MIR2052HG: variants seen among roughly 807,000 people sequenced by gnomAD.
The protein encoded by MIR2052HG is MIR2052 host gene.
intron 2 of MIR2052HG, among the ~76,000 whole-genome samples, chr8:74,615,612 C>CG (rs1808268908): frequency 6.8e-6 from 1 of 147,056 alleles, no homozygotes; most frequent in African/African-American, 2.5e-5. Flanking sequence ...TTCTCATCTT[C>CG]TTTTTTTTTT....
At chr8:74,646,033 C>G (rs1055210862) in intron 2 of MIR2052HG, among the ~76,000 whole-genome samples, 7 of 152,172 alleles carry the variant, frequency 4.6e-5, no homozygotes, top group African/African-American at 1.4e-4. Context: ...ATTTGCAAAG[C>G]TTTGTGCTAA....
chr8:74,671,089 A>G (rs1808987215), intron 2 of MIR2052HG, among the ~76,000 whole-genome samples: 1 of 149,906 alleles, frequency 6.7e-6, no homozygotes, highest in Non-Finnish European at 1.5e-5. Context: ...AGGTGTGTGT[A>G]ATAGTTACAT....
At chr8:74,644,742 T>G (rs907969054) in intron 2 of MIR2052HG, among the ~76,000 whole-genome samples, 2 of 151,786 alleles carry the variant, frequency 1.3e-5, no homozygotes, top group African/African-American at 4.8e-5. Flanking sequence ...AATAAATAAA[T>G]TAGCCGGGCA....
intron 4 of MIR2052HG, among the ~76,000 whole-genome samples, chr8:74,717,856 A>G (rs1335535791): frequency 2.0e-5 from 3 of 152,098 alleles, no homozygotes; most frequent in Non-Finnish European, 2.9e-5. Context: ...ATTTTATTTA[A>G]GGTGATTATT....
chr8:74,673,866 C>A (rs1175438621), intron 2 of MIR2052HG, among the ~76,000 whole-genome samples: 1 of 127,854 alleles, frequency 7.8e-6, no homozygotes, highest in Admixed American at 7.6e-5. Context: ...TTAACTGTCA[C>A]AATCAACACA....
intron 2 of MIR2052HG, among the ~76,000 whole-genome samples, chr8:74,677,409 A>T (rs992708900): frequency 6.6e-6 from 1 of 152,122 alleles, no homozygotes; most frequent in Non-Finnish European, 1.5e-5. Context: ...TATCTAAAAA[A>T]ATTAATTATG....
intron 2 of MIR2052HG, among the ~76,000 whole-genome samples, chr8:74,669,590 C>T (rs1328423572): frequency 6.6e-6 from 1 of 152,116 alleles, no homozygotes; most frequent in Non-Finnish European, 1.5e-5. Context: ...TATGATGAAC[C>T]TCTACTTACG....
chr8:74,656,150 G>C (rs1388724801), intron 2 of MIR2052HG, among the ~76,000 whole-genome samples: 4 of 152,128 alleles, frequency 2.6e-5, no homozygotes, highest in African/African-American at 9.7e-5. Flanking sequence ...GCTTGCTTTT[G>C]ATTTTACAGG....
chr8:74,727,929 T>G (rs191910178), intron 4 of MIR2052HG, among the ~76,000 whole-genome samples: 3 of 150,786 alleles, frequency 2.0e-5, no homozygotes, highest in African/African-American at 7.5e-5. Flanking sequence ...GAGTTCATTG[T>G]GCATGTAGGA....
intron 2 of MIR2052HG, among the ~76,000 whole-genome samples, chr8:74,669,066 G>C (rs1808962731): frequency 6.6e-6 from 1 of 152,056 alleles, no homozygotes; most frequent in Admixed American, 6.6e-5. Context: ...TTATTTCCTT[G>C]AACTTGAGTT....
At chr8:74,756,636 G>A (rs1269239269) in intron 5 of MIR2052HG, 16 of 152,160 alleles carry the variant, frequency 1.1e-4, no homozygotes, top group Admixed American at 1.0e-3. Flanking sequence ...GCAGAACAAA[G>A]ATTAGATCCC....
intron 5 of MIR2052HG, among the ~76,000 whole-genome samples, chr8:74,753,249 C>A (rs966882914): frequency 2.0e-5 from 3 of 152,192 alleles, no homozygotes; most frequent in African/African-American, 7.2e-5. Context: ...CCAATCCAAA[C>A]AACTTTGCCT....
intron 2 of MIR2052HG, among the ~76,000 whole-genome samples, chr8:74,684,481 A>G (rs975374738): frequency 1.3e-5 from 2 of 152,082 alleles, no homozygotes; most frequent in African/African-American, 4.8e-5. Flanking sequence ...AGAAAACAAT[A>G]TATATGTGTA....
intron 2 of MIR2052HG, among the ~76,000 whole-genome samples, chr8:74,658,717 C>G (rs76482606): frequency 0.044 from 6,709 of 152,168 alleles, 247 homozygotes; most frequent in African/African-American, 0.097. Context: ...CAGAATAATG[C>G]CTGACACACA....
At chr8:74,732,436 A>G (rs537061775) in intron 4 of MIR2052HG, among the ~76,000 whole-genome samples, 59 of 152,284 alleles carry the variant, frequency 3.9e-4, no homozygotes, top group Non-Finnish European at 6.8e-4. Context: ...ATATGTTAAA[A>G]ATGCCTTTTA....
intron 2 of MIR2052HG, among the ~76,000 whole-genome samples, chr8:74,662,700 T>C (rs1181352466): frequency 1.3e-5 from 2 of 152,182 alleles, no homozygotes; most frequent in Non-Finnish European, 2.9e-5. Flanking sequence ...TTTCCACTTA[T>C]AGGGTGGAAA....
chr8:74,701,555 A>G lies in MIR2052HG; in HGVS notation n.217-824A>G, dbSNP rs1234551463. Among the ~76,000 whole-genome samples the G allele has an allele frequency of 3.3e-5, 5 of 152,076 alleles. No individual in the cohort carries two copies. The East Asian group carries it at 9.7e-4, about 29-fold the overall frequency. On this transcript the variant is annotated intron_variant and non_coding_transcript_variant, in intron 2 of 6. Transcript: ENST00000523442. ...GGGGTGGCACCAATGGTGGCATCCT[A>G]ACTAGACTGTTCCTAGGTTATGACA... is the stretch of plus-strand genomic sequence containing the variant.
chr8:74,668,948 A>C (rs183783810), intron 2 of MIR2052HG, among the ~76,000 whole-genome samples: 21 of 152,226 alleles, frequency 1.4e-4, no homozygotes, highest in Admixed American at 5.2e-4. Context: ...CTTTCTTGTC[A>C]CAGCTCTTGA....
intron 2 of MIR2052HG, among the ~76,000 whole-genome samples, chr8:74,700,216 AC>A (rs1789091659): frequency 6.6e-6 from 1 of 152,232 alleles, no homozygotes; most frequent in Non-Finnish European, 1.5e-5. Context: ...GTGTGTGCAT[AC>A]GTATTATACA....
Sources: gnomAD v4.1 joint callset for allele counts (sites outside exome capture counted in the v4.1 genomes callset) on GRCh38, gnomAD v4.1.1 for gene constraint, MANE v1.5 for transcripts, NCBI Gene and HGNC (gene_info 2026-07-23, HGNC 2026-07-21) for gene names.